Variants in ACVR1C observed in about 807,000 individuals in gnomAD.
The protein encoded by ACVR1C is activin A receptor type 1C, also known as activin receptor type-1C.
In ACVR1C, 23 loss-of-function variants were observed where a neutral mutation model predicts 57.9. That is an observed-to-expected ratio of 0.40 (90% confidence interval 0.29 to 0.56). The LOEUF is 0.56. ACVR1C is among the 20% of genes least tolerant of loss of function. The pLI, the probability that ACVR1C is intolerant of heterozygous loss-of-function variation, is 0.50. For synonymous variants in ACVR1C, 214 were observed against 215.3 expected (o/e 0.99, Z 0.05); for missense variants, 480 against 607.9 (o/e 0.79, Z 2.21).
chr2:157,536,378 A>G (rs1225924490), intron 8 of ACVR1C, among the ~76,000 whole-genome samples: 1 of 152,240 alleles, frequency 6.6e-6, no homozygotes, highest in Non-Finnish European at 1.5e-5. Flanking sequence ...AAACTGCAGA[A>G]TGCTGAAGAC....
At chr2:157,555,036 C>T (rs978110278) in intron 3 of ACVR1C, among the ~76,000 whole-genome samples, 1 of 151,118 alleles carries the variant, frequency 6.6e-6, no homozygotes, top group Admixed American at 6.6e-5. Context: ...AATAAAAAAC[C>T]TTCAAATGCT....
chr2:157,600,380 T>A (rs1402822328), intron 1 of ACVR1C, among the ~76,000 whole-genome samples: 1 of 152,138 alleles, frequency 6.6e-6, no homozygotes, highest in East Asian at 1.9e-4. Flanking sequence ...AAACATTAAG[T>A]TCCAAACTAA....
chr2:157,609,438 T>C (rs956869371), intron 1 of ACVR1C, among the ~76,000 whole-genome samples: 1 of 151,982 alleles, frequency 6.6e-6, no homozygotes, highest in Non-Finnish European at 1.5e-5. Context: ...AGGATGAATA[T>C]GCTGCAGTTG....
intron 3 of ACVR1C, 105 bp downstream of exon 3, chr2:157,555,988 C>G: frequency 7.5e-7 from 1 of 1,329,354 alleles, no homozygotes; most frequent in African/African-American, 1.5e-5. Flanking sequence ...TGTATCCTTT[C>G]AAGACGGAAT....
intron 2 of ACVR1C, among the ~76,000 whole-genome samples, chr2:157,582,616 C>A (rs1688817226): frequency 6.6e-6 from 1 of 152,114 alleles, no homozygotes; most frequent in African/African-American, 2.4e-5. Flanking sequence ...TAACATCATA[C>A]TTAAGGGTAA....
chr2:157,561,846 G>A (rs1363728475), intron 2 of ACVR1C, among the ~76,000 whole-genome samples: 1 of 152,164 alleles, frequency 6.6e-6, no homozygotes, highest in Admixed American at 6.5e-5. Flanking sequence ...TCAAAGATTA[G>A]CTCCAAATGG....
In ACVR1C at chr2:157,529,996, G is replaced by C. The variant is rs1025910378; in HGVS notation, c.*3922C>G. On this transcript the variant is annotated 3_prime_UTR_variant, in exon 9 of 9. Transcript: ENST00000243349. ...AAAATAGCAGAAAAACTCCATGTAG[G>C]TATCAGCACACAGAGCTAGAACAAA... The C allele has an allele frequency of 3.9e-5, 6 of 152,008 alleles. No individual in the cohort carries two copies. The highest frequency in any genetic ancestry group is 6.6e-5 in the Admixed American group (1 of 15,230). 9.4% of individuals were successfully genotyped at this position (152,008 alleles called of 1,614,324 possible).
At chr2:157,540,960 C>T (rs895105985) in intron 7 of ACVR1C, 130 bp downstream of exon 7, 1 of 1,169,030 alleles carries the variant, frequency 8.6e-7, no homozygotes, top group Non-Finnish European at 1.2e-6. Context: ...AAATATATCA[C>T]CAAAAGGTAT....
intron 1 of ACVR1C, among the ~76,000 whole-genome samples, chr2:157,623,338 A>C (rs527387778): frequency 2.0e-5 from 3 of 152,346 alleles, no homozygotes; most frequent in African/African-American, 7.2e-5. Context: ...ACAATAGCTA[A>C]GATTAGGAAG....
At chr2:157,585,540 T>C (rs1409295269) in intron 2 of ACVR1C, among the ~76,000 whole-genome samples, 1 of 152,156 alleles carries the variant, frequency 6.6e-6, no homozygotes, top group African/African-American at 2.4e-5. Flanking sequence ...CTAATACCTT[T>C]TGTTATAGTC....
intron 2 of ACVR1C, among the ~76,000 whole-genome samples, chr2:157,583,061 A>G (rs1024148392): frequency 1.3e-5 from 2 of 152,014 alleles, no homozygotes; most frequent in Admixed American, 6.6e-5. Flanking sequence ...GGGTTTCACC[A>G]TGTTGGCCAG....
intron 1 of ACVR1C, among the ~76,000 whole-genome samples, chr2:157,594,260 C>T (rs1355405713): frequency 6.6e-6 from 1 of 152,128 alleles, no homozygotes; most frequent in Non-Finnish European, 1.5e-5. Flanking sequence ...CCAATCTCTC[C>T]AGATCTTATC....
rs150177386 is a variant in ACVR1C, at chr2:157,543,090, C to T, written c.944-228G>A. On this transcript the variant is annotated intron_variant, in intron 5 of 8. Coordinates refer to ENST00000243349, the MANE Select transcript of ACVR1C (RefSeq NM_145259.3). ...GTAGCTGTTTTGTTCATCACCATGC[C>T]TCTATTGCTTAGAGCACTAGATGAC... Among the ~76,000 whole-genome samples, 27 of 152,298 alleles carry T rather than the reference C, an allele frequency of 1.8e-4. No homozygotes were observed. The Middle Eastern group carries it at 0.01, about 58-fold the overall frequency.
At chr2:157,562,744 G>A (rs551145171) in intron 2 of ACVR1C, among the ~76,000 whole-genome samples, 2 of 151,990 alleles carry the variant, frequency 1.3e-5, no homozygotes, top group Admixed American at 1.3e-4. Flanking sequence ...TAAGCAAACC[G>A]GTAGCACATC....
rs558587911 is a variant in ACVR1C at position 157,536,604 on chromosome 2, C to T, written c.1356+1969G>A. 4.6e-5 allele frequency among the ~76,000 whole-genome samples: 7 copies of T among 151,928 alleles called. No individual in the cohort carries two copies. In the South Asian group the frequency reaches 1.0e-3, roughly 23 times the overall value. On this transcript the variant is annotated intron_variant, in intron 8 of 8. Transcript: ENST00000243349. ...GACAAAATAAAGACATTTTGGATAC[C>T]CCCAAACTGAAAAATCTTACAACCA... is the stretch of plus-strand genomic sequence containing the variant.
rs887846229 is a variant in ACVR1C at position 157,556,092 on chromosome 2, C to G, written c.544+1G>C. ...TAAAAAAATGGACAATGGTAACATA[C>G]CAGAGCCAGATCCAGAGGCGGTCAC... On this transcript the variant is annotated splice_donor_variant, in intron 3 of 8. Transcript: ENST00000243349. LOFTEE classifies it high-confidence loss of function. 1 of 1,613,748 alleles carries G rather than the reference C, an allele frequency of 6.2e-7. No homozygotes were observed. The highest frequency in any genetic ancestry group is 8.5e-7 in the Non-Finnish European group (1 of 1,179,862).
At chr2:157,622,117 A>C (rs1682789395) in intron 1 of ACVR1C, among the ~76,000 whole-genome samples, 1 of 152,138 alleles carries the variant, frequency 6.6e-6, no homozygotes, top group African/African-American at 2.4e-5. Context: ...ATACTATCCC[A>C]ATTTCTTCAA....
At chr2:157,553,646 T>G (rs1473725916) in intron 3 of ACVR1C, among the ~76,000 whole-genome samples, 3 of 152,200 alleles carry the variant, frequency 2.0e-5, no homozygotes, top group Non-Finnish European at 4.4e-5. Context: ...AGTTCCAAAA[T>G]GCACGTTTTT....
chr2:157,612,624 C>T (rs990392658), intron 1 of ACVR1C, among the ~76,000 whole-genome samples: 3 of 152,216 alleles, frequency 2.0e-5, no homozygotes. Flanking sequence ...GGTTAATTCT[C>T]ACAGCCCCAG....
Sources: allele counts gnomAD v4.1 joint callset (sites outside exome capture counted in the v4.1 genomes callset), GRCh38; gene constraint gnomAD v4.1.1; transcripts MANE v1.5; gene names NCBI Gene and HGNC (gene_info 2026-07-23, HGNC 2026-07-21).